The following GRM5 variants were observed in gnomAD, a reference collection of about 807,000 sequenced individuals.
GRM5 encodes the protein metabotropic glutamate receptor 5.
In GRM5, 19 loss-of-function variants were observed where a neutral mutation model predicts 83.1. That is an observed-to-expected ratio of 0.23 (90% CI 0.16 to 0.34). GRM5 has a LOEUF of 0.34. Ranked by LOEUF, GRM5 falls within the 10% of genes least tolerant of loss-of-function variation. GRM5 has a pLI of 1.00. For synonymous variants in GRM5, 675 were observed against 633.6 expected (o/e 1.07, Z -0.98); for missense variants, 1,160 against 1,588.3 (o/e 0.73, Z 4.58).
At chr11:89,009,929 A>AAAAAAACAAAAAAAAC (rs752780249) in intron 2 of GRM5, among the ~76,000 whole-genome samples, 1 of 102,334 alleles carries the variant, frequency 9.8e-6, no homozygotes, top group Non-Finnish European at 1.9e-5. Flanking sequence ...AAAAAAAAAA[A>AAAAAAACAAAAAAAAC]ACACACACAA....
At chr11:88,729,970 G>A (rs544969974) in intron 3 of GRM5, among the ~76,000 whole-genome samples, 29 of 152,186 alleles carry the variant, frequency 1.9e-4, no homozygotes, top group Non-Finnish European at 3.1e-4. Context: ...ATAGGCATGG[G>A]CAAGGACTTC....
chr11:88,866,756 G>A (rs939107304), intron 2 of GRM5, among the ~76,000 whole-genome samples: 7 of 152,114 alleles, frequency 4.6e-5, no homozygotes, highest in Admixed American at 1.3e-4. Context: ...TTTGCTGTTG[G>A]TGCTTTAGTC....
intron 1 of GRM5, among the ~76,000 whole-genome samples, chr11:89,064,302 A>G (rs1448646089): frequency 1.3e-5 from 2 of 152,172 alleles, no homozygotes; most frequent in Admixed American, 6.5e-5. Context: ...AAAGTATAAT[A>G]AAAATAAATA....
intron 3 of GRM5, among the ~76,000 whole-genome samples, chr11:88,743,904 C>T (rs998824121): frequency 1.3e-5 from 2 of 152,008 alleles, no homozygotes; most frequent in African/African-American, 4.8e-5. Flanking sequence ...AGTTAATTGT[C>T]AATGGTAATG....
intron 4 of GRM5, among the ~76,000 whole-genome samples, chr11:88,646,280 GA>G (rs1939442925): frequency 6.6e-6 from 1 of 151,912 alleles, no homozygotes; most frequent in Non-Finnish European, 1.5e-5. Context: ...TACTATTAGA[GA>G]AAAATTATAC....
At chr11:88,813,729 G>T (rs758908361) in intron 3 of GRM5, among the ~76,000 whole-genome samples, 8 of 152,230 alleles carry the variant, frequency 5.3e-5, no homozygotes, top group Admixed American at 6.5e-5. Flanking sequence ...TAGATACACA[G>T]ATGAGTATGC....
At chr11:88,679,892 T>C (rs1940433439) in intron 3 of GRM5, among the ~76,000 whole-genome samples, 1 of 151,788 alleles carries the variant, frequency 6.6e-6, no homozygotes, top group Non-Finnish European at 1.5e-5. Flanking sequence ...TAAACCTTAG[T>C]TTCACCTTCC....
At chr11:88,812,407 C>T (rs1371464696) in intron 3 of GRM5, among the ~76,000 whole-genome samples, 2 of 152,100 alleles carry the variant, frequency 1.3e-5, no homozygotes, top group South Asian at 4.1e-4. Context: ...TTGTCTAACA[C>T]ATTTATCATA....
intron 3 of GRM5, among the ~76,000 whole-genome samples, chr11:88,724,871 C>T (rs1037471094): frequency 2.0e-5 from 3 of 152,058 alleles, no homozygotes; most frequent in Non-Finnish European, 4.4e-5. Context: ...GGATTCTGGC[C>T]CAGATACTAT....
intron 4 of GRM5, among the ~76,000 whole-genome samples, chr11:88,629,644 G>A (rs1306275132): frequency 3.9e-5 from 6 of 152,012 alleles, no homozygotes; most frequent in Non-Finnish European, 7.4e-5. Context: ...CTTACCCACA[G>A]GATACCCATG....
chr11:88,799,649 T>G (rs1325607954), intron 3 of GRM5, among the ~76,000 whole-genome samples: 2 of 152,184 alleles, frequency 1.3e-5, no homozygotes, highest in Non-Finnish European at 2.9e-5. Flanking sequence ...AAACTAGATA[T>G]GCTTTCAGCC....
At chr11:88,918,932 A>G (rs1244807378) in intron 2 of GRM5, among the ~76,000 whole-genome samples, 2 of 151,632 alleles carry the variant, frequency 1.3e-5, no homozygotes, top group Non-Finnish European at 2.9e-5. Flanking sequence ...ATTAAAACAT[A>G]CCACCAGAGA....
chr11:88,652,768 T>C (rs1218461595), intron 4 of GRM5, among the ~76,000 whole-genome samples: 1 of 152,094 alleles, frequency 6.6e-6, no homozygotes, highest in Non-Finnish European at 1.5e-5. Flanking sequence ...ATTCATTCTT[T>C]GTACATATAT....
At chr11:88,577,790 A>T (rs185967999) in intron 7 of GRM5, among the ~76,000 whole-genome samples, 14 of 152,158 alleles carry the variant, frequency 9.2e-5, no homozygotes, top group Non-Finnish European at 1.9e-4. Flanking sequence ...AGATATGCAG[A>T]GGAAAAAACT....
At chr11:88,940,738 G>A (rs926966831) in intron 2 of GRM5, among the ~76,000 whole-genome samples, 2 of 151,698 alleles carry the variant, frequency 1.3e-5, no homozygotes, top group South Asian at 2.1e-4. Context: ...TTGATTTCCC[G>A]ATAATAGTCT....
chr11:88,658,352 C>A (rs1939820166), intron 3 of GRM5, among the ~76,000 whole-genome samples: 1 of 152,180 alleles, frequency 6.6e-6, no homozygotes, highest in Non-Finnish European at 1.5e-5. Context: ...TCACGTTTCA[C>A]TGACTGAACA....
chr11:88,929,859 T>G lies in GRM5; in HGVS notation c.662-79704A>C, dbSNP rs138912766. Among the ~76,000 whole-genome samples the G allele has an allele frequency of 2.3e-3, 348 of 152,296 alleles. 3 individuals carry two copies. The highest frequency in any genetic ancestry group is 2.6e-3 in the Non-Finnish European group (180 of 68,016). ...ACTATATGCATAAGTGATACATGTT[T>G]TATTCTCAAACACTTGGGTTTTGTT... On this transcript the variant is annotated intron_variant, in intron 2 of 9. Transcript: ENST00000305447.
intron 7 of GRM5, among the ~76,000 whole-genome samples, chr11:88,589,969 G>A (rs544755771): frequency 6.6e-6 from 1 of 152,022 alleles, no homozygotes; most frequent in African/African-American, 2.4e-5. Context: ...TTTATATATT[G>A]TAAAAATTAG....
chr11:88,871,952 C>T (rs1355167739), intron 2 of GRM5, among the ~76,000 whole-genome samples: 1 of 150,990 alleles, frequency 6.6e-6, no homozygotes, highest in Non-Finnish European at 1.5e-5. Context: ...CTGAAGGTCA[C>T]AAAATTAATA....
Sources: allele counts gnomAD v4.1 joint callset (sites outside exome capture counted in the v4.1 genomes callset), GRCh38; gene constraint gnomAD v4.1.1; transcripts MANE v1.5; gene names NCBI Gene and HGNC (gene_info 2026-07-23, HGNC 2026-07-21).